Variants in SLC8A1 observed in about 807,000 individuals in gnomAD.
SLC8A1 encodes the protein solute carrier family 8 member A1, also known as sodium/calcium exchanger 1.
A neutral mutation model predicts 68.3 loss-of-function variants in SLC8A1; 18 were observed. The ratio of observed to expected loss-of-function variants is 0.26; its 90% CI spans 0.18 to 0.39. SLC8A1 has a LOEUF of 0.39. Among genes scored for constraint, SLC8A1 ranks in the 10% least tolerant of loss-of-function variants. The pLI, the probability that SLC8A1 is intolerant of heterozygous loss-of-function variation, is 1.00. For missense variants in SLC8A1, 985 were observed against 1,156.7 expected (o/e 0.85, Z 2.15); for synonymous variants, 475 against 415.5 (o/e 1.14, Z -1.74).
intron 2 of SLC8A1, among the ~76,000 whole-genome samples, chr2:40,275,442 T>C (rs562234295): frequency 2.0e-5 from 3 of 152,338 alleles, no homozygotes; most frequent in South Asian, 2.1e-4. Context: ...GCTCTACCTA[T>C]GAAGAACAAC....
chr2:40,428,509 G>C (rs1185533159), exon 2 of SLC8A1: 1 of 1,610,364 alleles, frequency 6.2e-7, no homozygotes, highest in East Asian at 2.2e-5. Flanking sequence ...CTCTCCACAA[G>C]TGTCCTCAAA....
chr2:40,444,505 A>C (rs1476300996), intron 1 of SLC8A1, among the ~76,000 whole-genome samples: 1 of 152,058 alleles, frequency 6.6e-6, no homozygotes, highest in Non-Finnish European at 1.5e-5. Context: ...ATTTCTCTTC[A>C]CACTACACCA....
At chr2:40,212,601 G>A (rs1020375943) in intron 2 of SLC8A1, among the ~76,000 whole-genome samples, 1 of 152,126 alleles carries the variant, frequency 6.6e-6, no homozygotes, top group East Asian at 1.9e-4. Context: ...ATATCTTGAA[G>A]GCATCAGGGA....
chr2:40,146,134 C>A (rs541545848), intron 6 of SLC8A1, among the ~76,000 whole-genome samples: 1 of 152,302 alleles, frequency 6.6e-6, no homozygotes, highest in African/African-American at 2.4e-5. Context: ...ACAATAGGTT[C>A]GAATTCCTAG....
At chr2:40,424,503 A>C (rs1057396059) in intron 2 of SLC8A1, among the ~76,000 whole-genome samples, 1 of 151,818 alleles carries the variant, frequency 6.6e-6, no homozygotes, top group African/African-American at 2.4e-5. Flanking sequence ...AAAAGAGTAA[A>C]ATGTGATATA....
intron 2 of SLC8A1, among the ~76,000 whole-genome samples, chr2:40,202,064 T>A (rs1200731932): frequency 6.6e-6 from 1 of 151,962 alleles, no homozygotes; most frequent in African/African-American, 2.4e-5. Context: ...ACCCTAGACC[T>A]TTTTTGCTAT....
intron 2 of SLC8A1, among the ~76,000 whole-genome samples, chr2:40,203,262 C>T (rs2054752026): frequency 6.6e-6 from 1 of 151,972 alleles, no homozygotes; most frequent in East Asian, 1.9e-4. Context: ...ACACAGCTTT[C>T]ATCAGCTAAT....
exon 8 of SLC8A1, chr2:40,108,921 AAAG>A (rs1382277062): frequency 6.6e-6 from 1 of 151,270 alleles, no homozygotes; most frequent in Non-Finnish European, 1.5e-5. Context: ...GTGTAAATTA[AAAG>A]AAGGTTGGGA....
intron 2 of SLC8A1, among the ~76,000 whole-genome samples, chr2:40,401,422 T>C (rs910196435): frequency 3.4e-5 from 5 of 146,490 alleles, no homozygotes; most frequent in South Asian, 2.1e-4. Flanking sequence ...TTTTCTTCTA[T>C]GCTATTTTTT....
chr2:40,238,246 C>G (rs1465701874), intron 2 of SLC8A1, among the ~76,000 whole-genome samples: 2 of 152,216 alleles, frequency 1.3e-5, no homozygotes, highest in African/African-American at 4.8e-5. Flanking sequence ...GCTGTGCTAG[C>G]AATCAGTGAG....
intron 2 of SLC8A1, among the ~76,000 whole-genome samples, chr2:40,306,699 T>C (rs2072682713): frequency 6.6e-6 from 1 of 152,154 alleles, no homozygotes; most frequent in Non-Finnish European, 1.5e-5. Context: ...GAACACAGTT[T>C]CTTAATTAAG....
chr2:40,171,108 GTGCCACCTC>G (rs1377987069), intron 4 of SLC8A1, among the ~76,000 whole-genome samples: 4 of 152,168 alleles, frequency 2.6e-5, no homozygotes, highest in Non-Finnish European at 5.9e-5. Flanking sequence ...TTGGGATTCA[GTGCCACCTC>G]TGCCATATGC....
chr2:40,249,561 A>G (rs1292263049), intron 2 of SLC8A1, among the ~76,000 whole-genome samples: 2 of 152,328 alleles, frequency 1.3e-5, no homozygotes, highest in Middle Eastern at 3.4e-3. Context: ...TCTTCTCCCA[A>G]TTCACACCAT....
At chr2:40,211,729 C>G (rs937272398) in intron 2 of SLC8A1, among the ~76,000 whole-genome samples, 2 of 152,184 alleles carry the variant, frequency 1.3e-5, no homozygotes, top group African/African-American at 2.4e-5. Context: ...TGGACAAAAT[C>G]AGTCATCCTT....
intron 2 of SLC8A1, among the ~76,000 whole-genome samples, chr2:40,371,787 G>A (rs988494895): frequency 3.3e-5 from 5 of 152,060 alleles, no homozygotes; most frequent in East Asian, 1.9e-4. Flanking sequence ...CTGGAAACCC[G>A]ATCTCTGGCA....
chr2:40,354,327 A>C (rs1672036319), intron 2 of SLC8A1, among the ~76,000 whole-genome samples: 1 of 152,042 alleles, frequency 6.6e-6, no homozygotes, highest in Non-Finnish European at 1.5e-5. Flanking sequence ...TTCTCCCTTA[A>C]ATTTCTGCAT....
intron 2 of SLC8A1, among the ~76,000 whole-genome samples, chr2:40,384,521 C>T (rs1682950661): frequency 6.6e-6 from 1 of 151,982 alleles, no homozygotes; most frequent in Non-Finnish European, 1.5e-5. Context: ...TCAAAAAGAA[C>T]ATAGAAGACA....
Position 40,436,174 on chromosome 2 carries a change from C to T in SLC8A1, c.-24-5870G>A, listed in dbSNP as rs6735837. 9.3e-4 allele frequency among the ~76,000 whole-genome samples: 142 copies of T among 151,944 alleles called. 1 individual carries two copies. Among genetic ancestry groups the T allele is most frequent in the African/African-American group, 3.3e-3 (136 of 41,476 alleles). On this transcript the variant is annotated intron_variant, in intron 1 of 7. Coordinates refer to ENST00000406785, the Ensembl canonical transcript of SLC8A1. The stretch of plus-strand genomic sequence containing the variant: ...TCTCTAAGGGCAGGGATTTTCATTT[C>T]TTTTTTTTCATTGAGGTATTCCCAG...
At chr2:40,173,763 A>C (rs899818148) in intron 4 of SLC8A1, among the ~76,000 whole-genome samples, 2 of 147,096 alleles carry the variant, frequency 1.4e-5, no homozygotes, top group East Asian at 3.8e-4. Context: ...TGATATTGGC[A>C]CAATATATTG....
Sources: gnomAD v4.1 joint callset for allele counts (sites outside exome capture counted in the v4.1 genomes callset) on GRCh38, gnomAD v4.1.1 for gene constraint, MANE v1.5 for transcripts, NCBI Gene and HGNC (gene_info 2026-07-23, HGNC 2026-07-21) for gene names.